TENM3: variants seen among roughly 807,000 people sequenced by gnomAD.
TENM3 encodes the protein teneurin-3.
TENM3 carries 63 observed loss-of-function variants against 255.1 expected under a neutral mutation model. The observed-to-expected ratio is 0.25, with a 90% CI of 0.20 to 0.30. The LOEUF is 0.30. TENM3 is among the 10% of genes least tolerant of loss of function. The pLI, the probability that TENM3 is intolerant of heterozygous loss-of-function variation, is 1.00. For missense variants in TENM3, 2,929 were observed against 3,461.1 expected, an observed-to-expected ratio of 0.85 and a Z score of 3.86; for synonymous variants, 1,306 against 1,322.3, an observed-to-expected ratio of 0.99 and a Z score of 0.27.
At chr4:182,103,994 G>T in the TENM3 span, among the ~76,000 whole-genome samples, 1 of 152,170 alleles carries the variant, frequency 6.6e-6, no homozygotes, top group Admixed American at 6.5e-5. Flanking sequence ...TATTCAATCA[G>T]GTAAAAGGAT....
At chr4:181,912,507 G>A in the TENM3 span, among the ~76,000 whole-genome samples, 2 of 152,138 alleles carry the variant, frequency 1.3e-5, no homozygotes, top group African/African-American at 2.4e-5. Flanking sequence ...GGTGAAGGTG[G>A]TCTGGTGTGG....
the TENM3 span, among the ~76,000 whole-genome samples, chr4:182,015,972 C>A: frequency 1.3e-5 from 2 of 152,148 alleles, no homozygotes; most frequent in Admixed American, 6.5e-5. Context: ...ACCTAGATAT[C>A]ATTAAGCTTG....
At chr4:181,607,824 T>G in the TENM3 span, among the ~76,000 whole-genome samples, 1 of 152,226 alleles carries the variant, frequency 6.6e-6, no homozygotes, top group Non-Finnish European at 1.5e-5. Context: ...CTCTGCCAAA[T>G]CAATTTATTA....
chr4:181,604,235 A>G, the TENM3 span, among the ~76,000 whole-genome samples: 31 of 152,334 alleles, frequency 2.0e-4, no homozygotes, highest in Admixed American at 4.6e-4. Context: ...ACAGCACTCC[A>G]GCCTGGGCGA....
chr4:182,490,099 C>A (rs1735140819), intron 3 of TENM3, among the ~76,000 whole-genome samples: 2 of 152,294 alleles, frequency 1.3e-5, no homozygotes, highest in South Asian at 4.1e-4. Context: ...GTGTGAATGT[C>A]TTAATTCTCA....
chr4:182,612,829 T>C (rs1278464597), intron 4 of TENM3, among the ~76,000 whole-genome samples: 3 of 152,204 alleles, frequency 2.0e-5, no homozygotes, highest in Non-Finnish European at 4.4e-5. Flanking sequence ...CAAATAGTTG[T>C]TCAGTAAGCT....
the TENM3 span, among the ~76,000 whole-genome samples, chr4:182,100,746 CACACATATATAT>C: frequency 1.3e-4 from 11 of 86,388 alleles, 1 homozygote; most frequent in African/African-American, 4.8e-4. Context: ...CATATATATA[CACACATATATAT>C]ACACATATAT....
chr4:182,123,301 T>G, the TENM3 span, among the ~76,000 whole-genome samples: 1 of 152,200 alleles, frequency 6.6e-6, no homozygotes, highest in African/African-American at 2.4e-5. Context: ...TTAAGAACTT[T>G]CCCTTTTTAT....
intron 24 of TENM3, among the ~76,000 whole-genome samples, chr4:182,778,576 G>A (rs1195342059): frequency 2.0e-5 from 3 of 152,098 alleles, no homozygotes; most frequent in East Asian, 3.9e-4. Flanking sequence ...TTCCCCCCAT[G>A]ACATCTTGGC....
the TENM3 span, among the ~76,000 whole-genome samples, chr4:181,753,712 T>C: frequency 6.6e-6 from 1 of 152,204 alleles, no homozygotes; most frequent in Non-Finnish European, 1.5e-5. Context: ...ATTAGTAACG[T>C]ATTACAGTTT....
At chr4:181,732,080 C>T in the TENM3 span, among the ~76,000 whole-genome samples, 6 of 152,254 alleles carry the variant, frequency 3.9e-5, no homozygotes, top group East Asian at 1.2e-3. Flanking sequence ...AGTTATCTTG[C>T]ATATAATTTG....
chr4:182,708,979 G>GT (rs997846818), intron 12 of TENM3, among the ~76,000 whole-genome samples: 3 of 149,640 alleles, frequency 2.0e-5, no homozygotes, highest in East Asian at 2.0e-4. Flanking sequence ...GTTTTTTTTT[G>GT]TTTTTTGTGG....
the TENM3 span, among the ~76,000 whole-genome samples, chr4:181,907,747 A>G: frequency 2.0e-5 from 3 of 152,144 alleles, no homozygotes; most frequent in Non-Finnish European, 4.4e-5. Context: ...CAGCCAACGC[A>G]GGAATCATAG....
chr4:182,441,138 CA>C (rs1256968582), intron 3 of TENM3, among the ~76,000 whole-genome samples: 3 of 152,022 alleles, frequency 2.0e-5, no homozygotes, highest in Non-Finnish European at 4.4e-5. Context: ...GGGAGGGTAT[CA>C]CAAAATTAGA....
At chr4:182,699,150 A>T (rs1419897433) in intron 12 of TENM3, among the ~76,000 whole-genome samples, 1 of 152,212 alleles carries the variant, frequency 6.6e-6, no homozygotes, top group African/African-American at 2.4e-5. Context: ...CCTGTGGTCT[A>T]ACTTGAGTCC....
the TENM3 span, among the ~76,000 whole-genome samples, chr4:181,612,587 G>T: frequency 6.6e-6 from 1 of 151,958 alleles, no homozygotes; most frequent in Non-Finnish European, 1.5e-5. Flanking sequence ...TATCACCAAC[G>T]GCTGGGGCAA....
chr4:181,546,586 C>T, the TENM3 span, among the ~76,000 whole-genome samples: 11 of 140,658 alleles, frequency 7.8e-5, no homozygotes, highest in Admixed American at 3.9e-4. Flanking sequence ...TGGTGGCGGA[C>T]GCCTGTAGTC....
chr4:181,912,180 A>G, the TENM3 span, among the ~76,000 whole-genome samples: 1 of 152,318 alleles, frequency 6.6e-6, no homozygotes, highest in African/African-American at 2.4e-5. Flanking sequence ...GATTTCAGCA[A>G]TGAGGAAGGG....
chr4:181,839,003 T>C, the TENM3 span, among the ~76,000 whole-genome samples: 2 of 151,776 alleles, frequency 1.3e-5, no homozygotes, highest in Non-Finnish European at 2.9e-5. Flanking sequence ...GACTTTAAAT[T>C]TTCCTCTAAG....
Sources: allele counts gnomAD v4.1 joint callset (sites outside exome capture counted in the v4.1 genomes callset), GRCh38; gene constraint gnomAD v4.1.1; transcripts MANE v1.5; gene names NCBI Gene and HGNC (gene_info 2026-07-23, HGNC 2026-07-21).